Variants in CDH13 observed in about 807,000 individuals in gnomAD.
CDH13 encodes cadherin 13.
CDH13 carries 24 observed loss-of-function variants against 63.8 expected under a neutral mutation model. The ratio of observed to expected loss-of-function variants is 0.38; its 90% confidence interval spans 0.27 to 0.53. The LOEUF (loss-of-function observed/expected upper bound fraction) is 0.53. Ranked by LOEUF, CDH13 falls within the 20% of genes least tolerant of loss-of-function variation. The pLI is 0.85. For synonymous variants in CDH13, 503 were observed against 355.3 expected (o/e 1.42, Z -4.67); for missense variants, 1,049 against 903.1 (o/e 1.16, Z -2.07).
intron 1 of CDH13, among the ~76,000 whole-genome samples, chr16:82,632,345 C>G (rs1183122277): frequency 1.3e-5 from 2 of 152,204 alleles, no homozygotes; most frequent in African/African-American, 4.8e-5. Flanking sequence ...GGCCTTTTCT[C>G]CTTCCCTGTG....
intron 5 of CDH13, among the ~76,000 whole-genome samples, chr16:83,281,646 C>T (rs1203552730): frequency 2.0e-5 from 3 of 151,982 alleles, no homozygotes; most frequent in Non-Finnish European, 4.4e-5. Context: ...TGGTGGCTGA[C>T]ACCTGTAATC....
intron 6 of CDH13, among the ~76,000 whole-genome samples, chr16:83,441,286 G>A (rs1473309940): frequency 6.6e-6 from 1 of 152,088 alleles, no homozygotes; most frequent in East Asian, 1.9e-4. Context: ...TAAGAGTGAT[G>A]GAATACTGTA....
At chr16:83,536,302 G>A (rs901867400) in intron 7 of CDH13, among the ~76,000 whole-genome samples, 1 of 152,168 alleles carries the variant, frequency 6.6e-6, no homozygotes, top group Non-Finnish European at 1.5e-5. Context: ...AAGGTAAGAG[G>A]GGGAAGACCA....
In CDH13 at chr16:83,316,872, T is replaced by TCTGGG. The variant is rs570464163; in HGVS notation, c.637-27967_637-27963dup. ...ATGTATGTTGATCAGCTGAGCTTCA[T>TCTGGG]CTGGGCTGGGCTGGGCTGGGCTGGG... On this transcript the variant is annotated intron_variant, in intron 5 of 13. Coordinates refer to ENST00000567109, the MANE Select transcript of CDH13 (RefSeq NM_001257.5). 3.4e-3 allele frequency among the ~76,000 whole-genome samples: 525 copies of TCTGGG among 152,200 alleles called. 2 individuals are homozygous for TCTGGG. Among genetic ancestry groups the TCTGGG allele is most frequent in the African/African-American group, 0.012 (493 of 41,542 alleles).
chr16:83,071,171 G>A (rs1165549607), intron 3 of CDH13, among the ~76,000 whole-genome samples: 1 of 152,118 alleles, frequency 6.6e-6, no homozygotes, highest in East Asian at 1.9e-4. Flanking sequence ...AACATTCTCA[G>A]AAAAGCAGAG....
intron 3 of CDH13, among the ~76,000 whole-genome samples, chr16:83,052,650 C>G (rs58520088): frequency 1.2e-3 from 183 of 151,784 alleles, no homozygotes; most frequent in African/African-American, 4.3e-3. Flanking sequence ...CATGGTGGTG[C>G]GCGCCTTTAA....
At chr16:83,619,508 C>CTTCTGCCACTGGCAG (rs2150775090) in intron 8 of CDH13, among the ~76,000 whole-genome samples, 1 of 152,332 alleles carries the variant, frequency 6.6e-6, no homozygotes, top group East Asian at 1.9e-4. Context: ...AGTCCAAGAG[C>CTTCTGCCACTGGCAG]AAGGCACTGG....
intron 3 of CDH13, among the ~76,000 whole-genome samples, chr16:83,116,484 G>A (rs571225414): frequency 6.6e-5 from 10 of 152,314 alleles, no homozygotes; most frequent in South Asian, 4.1e-4. Flanking sequence ...AGTGGATGGC[G>A]CTGCAGCCCC....
intron 7 of CDH13, among the ~76,000 whole-genome samples, chr16:83,575,389 C>G (rs1267755066): frequency 1.3e-5 from 2 of 152,208 alleles, no homozygotes; most frequent in African/African-American, 2.4e-5. Flanking sequence ...ATAATCTTAT[C>G]AAGTCAACCG....
intron 6 of CDH13, among the ~76,000 whole-genome samples, chr16:83,421,320 A>G (rs1319367659): frequency 6.6e-6 from 1 of 152,234 alleles, no homozygotes; most frequent in Non-Finnish European, 1.5e-5. Context: ...AGATTAAACA[A>G]TAAATAAATG....
intron 8 of CDH13, among the ~76,000 whole-genome samples, chr16:83,613,001 T>G (rs1005883061): frequency 1.3e-5 from 2 of 152,218 alleles, no homozygotes; most frequent in African/African-American, 4.8e-5. Context: ...TAATAAGTTC[T>G]CTCATATATT....
chr16:82,739,109 C>G (rs2033816808), intron 1 of CDH13, among the ~76,000 whole-genome samples: 1 of 152,216 alleles, frequency 6.6e-6, no homozygotes, highest in African/African-American at 2.4e-5. Context: ...CTCATAGTCA[C>G]TCATCATTCA....
chr16:83,495,265 C>G (rs563323633), intron 7 of CDH13, among the ~76,000 whole-genome samples: 2 of 152,220 alleles, frequency 1.3e-5, no homozygotes, highest in East Asian at 3.9e-4. Flanking sequence ...ATGGTTCGGT[C>G]TGGAAAGGCA....
Position 83,359,388 on chromosome 16 carries a change from G to A in CDH13, c.781+14382G>A, listed in dbSNP as rs74034185. 9.4e-3 allele frequency among the ~76,000 whole-genome samples: 1,426 copies of A among 152,266 alleles called. 21 individuals carry two copies. The highest frequency in any genetic ancestry group is 0.033 in the African/African-American group (1,377 of 41,554). On this transcript the variant is annotated intron_variant, in intron 6 of 13. Transcript: ENST00000567109. ...CTTTGAGCACCATGACCAACAAAAT[G>A]CCACGTGGGTCACAAATACTGGCAG...
At chr16:83,460,468 C>G (rs1470419413) in intron 6 of CDH13, among the ~76,000 whole-genome samples, 1 of 152,166 alleles carries the variant, frequency 6.6e-6, no homozygotes, top group Non-Finnish European at 1.5e-5. Flanking sequence ...TAGGAAATGG[C>G]CTACATGCTC....
At chr16:82,989,829 C>T (rs1173823761) in intron 2 of CDH13, among the ~76,000 whole-genome samples, 2 of 152,162 alleles carry the variant, frequency 1.3e-5, no homozygotes, top group African/African-American at 4.8e-5. Flanking sequence ...AGTTTAATCC[C>T]TTTGTTTCTT....
Position 83,678,466 on chromosome 16 carries a change from GT to G in CDH13, c.1538+6del. The stretch of plus-strand genomic sequence containing the variant: ...CCTGCAGCATCAAACCATCAGGTGG[GT>G]GAGTGGCTCCGGAACCACAGACGGG... On this transcript the variant is annotated splice_donor_region_variant and intron_variant, in intron 10 of 13. Transcript: ENST00000567109. 2 of 1,613,862 alleles carry G rather than the reference GT, an allele frequency of 1.2e-6. No individual in the cohort carries two copies. The highest frequency in any genetic ancestry group is 1.7e-6 in the Non-Finnish European group (2 of 1,179,786).
intron 5 of CDH13, among the ~76,000 whole-genome samples, chr16:83,314,016 T>C (rs1476353660): frequency 6.6e-6 from 1 of 152,242 alleles, no homozygotes; most frequent in Non-Finnish European, 1.5e-5. Context: ...GATCAAGACA[T>C]TGTTGTTCTG....
chr16:83,597,854 A>G (rs1907418353), intron 7 of CDH13, among the ~76,000 whole-genome samples: 2 of 152,198 alleles, frequency 1.3e-5, no homozygotes, highest in South Asian at 4.1e-4. Flanking sequence ...ATGCCAATGT[A>G]TCCTTCCCTT....
Sources: allele counts gnomAD v4.1 joint callset (sites outside exome capture counted in the v4.1 genomes callset), GRCh38; gene constraint gnomAD v4.1.1; transcripts MANE v1.5; gene names NCBI Gene and HGNC (gene_info 2026-07-23, HGNC 2026-07-21).